The following FANK1 variants were observed in gnomAD, a reference collection of about 807,000 sequenced individuals.
FANK1 encodes fibronectin type 3 and ankyrin repeat domains protein 1.
In FANK1, 44 loss-of-function variants were observed where a neutral mutation model predicts 45.3. The ratio of observed to expected loss-of-function variants is 0.97; its 90% CI spans 0.76 to 1.25. FANK1 has a LOEUF of 1.25. Ranked by LOEUF, FANK1 falls within the 50% of genes most tolerant of loss-of-function variation. The pLI, the probability that FANK1 is intolerant of heterozygous loss-of-function variation, is 0.00. For synonymous variants in FANK1, 149 were observed against 152.5 expected, an observed-to-expected ratio of 0.98 and a Z score of 0.17; for missense variants, 391 against 424.4, an observed-to-expected ratio of 0.92 and a Z score of 0.69.
chr10:125,992,618 A>G (rs1952024531), intron 3 of FANK1, among the ~76,000 whole-genome samples: 1 of 152,056 alleles, frequency 6.6e-6, no homozygotes, highest in African/African-American at 2.4e-5. Flanking sequence ...CTTTGCTACA[A>G]ACGGTCCTTA....
chr10:125,990,585 AG>A (rs1951859163), intron 3 of FANK1, among the ~76,000 whole-genome samples: 1 of 152,156 alleles, frequency 6.6e-6, no homozygotes, highest in Non-Finnish European at 1.5e-5. Context: ...TTGGTTCTGC[AG>A]CCTTCCATTG....
chr10:125,958,080 A>G (rs1396974203), intron 1 of FANK1, among the ~76,000 whole-genome samples: 2 of 152,004 alleles, frequency 1.3e-5, no homozygotes, highest in Non-Finnish European at 2.9e-5. Flanking sequence ...CTTTCTAGCT[A>G]TTTGAAACTA....
rs1395923933 is a variant in FANK1, at chr10:125,917,050, CTG to C, written c.13+20397_13+20398del. 3.5e-4 allele frequency among the ~76,000 whole-genome samples: 53 copies of C among 152,372 alleles called. No homozygotes were observed. The South Asian group carries it at 0.01, about 29-fold the overall frequency. ...CTGCTTCTCTCCACTTTTCATCAAA[CTG>C]TTAAAAATTATGGGAGGCCATTCTT... On this transcript the variant is annotated intron_variant, in intron 1 of 10. Coordinates refer to ENST00000368693, the MANE Select transcript of FANK1 (RefSeq NM_145235.5).
intron 1 of FANK1, among the ~76,000 whole-genome samples, chr10:125,966,731 T>C (rs544028554): frequency 6.6e-6 from 1 of 152,352 alleles, no homozygotes; most frequent in South Asian, 2.1e-4. Context: ...TTATCAGACT[T>C]GTTGCTATCA....
In FANK1 at chr10:125,946,516, A is replaced by G. The variant is rs562648153; in HGVS notation, c.14-33645A>G. Among the ~76,000 whole-genome samples the G allele has an allele frequency of 1.4e-3, 210 of 152,272 alleles. 2 individuals carry two copies. Among genetic ancestry groups the G allele is most frequent in the African/African-American group, 4.8e-3 (200 of 41,534 alleles). On this transcript the variant is annotated intron_variant, in intron 1 of 10. Transcript: ENST00000368693. ...TGGAAGAAAGGGTATCAGCAATGGAAGATGAAATGAATGAAATGAAGTGAG... is the reference window on the plus strand; with the variant it reads ...TGGAAGAAAGGGTATCAGCAATGGAGGATGAAATGAATGAAATGAAGTGAG...
intron 1 of FANK1, among the ~76,000 whole-genome samples, chr10:125,971,745 C>T (rs906530531): frequency 2.0e-5 from 3 of 152,072 alleles, no homozygotes; most frequent in Admixed American, 2.0e-4. Flanking sequence ...CCTCAGCCTC[C>T]TGAGTAGCTG....
chr10:126,003,207 G>A (rs915292269), intron 6 of FANK1, among the ~76,000 whole-genome samples: 2 of 151,328 alleles, frequency 1.3e-5, no homozygotes, highest in Non-Finnish European at 1.5e-5. Context: ...TCCCGGTTGT[G>A]GGGCAGGCAT....
intron 1 of FANK1, among the ~76,000 whole-genome samples, chr10:125,978,402 C>G (rs1428744090): frequency 6.6e-6 from 1 of 152,106 alleles, no homozygotes; most frequent in Non-Finnish European, 1.5e-5. Context: ...TACTATGAGG[C>G]TCAAAGGCTG....
chr10:125,935,618 T>C (rs987008513), intron 1 of FANK1, among the ~76,000 whole-genome samples: 1 of 152,208 alleles, frequency 6.6e-6, no homozygotes, highest in African/African-American at 2.4e-5. Flanking sequence ...AAATCTGTCT[T>C]TTAGAATGCC....
rs187027983 is a variant in FANK1 at position 125,999,683 on chromosome 10, C to A, written c.539+2198C>A. Among the ~76,000 whole-genome samples, 26 of 152,236 alleles carry A rather than the reference C, an allele frequency of 1.7e-4. 1 individual carries two copies. The highest frequency in any genetic ancestry group is 6.0e-4 in the African/African-American group (25 of 41,546). On this transcript the variant is annotated intron_variant, in intron 6 of 10. Coordinates refer to ENST00000368693, the MANE Select transcript of FANK1 (RefSeq NM_145235.5). ...GCATCCCTCTGAGGATGTGGCGTGA[C>A]CTTGGGCAGGCTACCTAACCTCTCC...
At chr10:125,917,054 T>TA (rs1411691427) in intron 1 of FANK1, among the ~76,000 whole-genome samples, 9 of 152,244 alleles carry the variant, frequency 5.9e-5, no homozygotes, top group South Asian at 4.1e-4. Flanking sequence ...ATCAAACTGT[T>TA]AAAAATTATG....
chr10:125,985,529 A>G (rs767324889), intron 2 of FANK1, among the ~76,000 whole-genome samples: 1 of 152,146 alleles, frequency 6.6e-6, no homozygotes, highest in Non-Finnish European at 1.5e-5. Context: ...ATCAATTTTT[A>G]ACACTTATCT....
chr10:125,935,340 A>T (rs1315952177), intron 1 of FANK1, among the ~76,000 whole-genome samples: 1 of 152,176 alleles, frequency 6.6e-6, no homozygotes, highest in Non-Finnish European at 1.5e-5. Context: ...TTTACATGGC[A>T]CCTGGCATCC....
At chr10:125,919,133 C>T (rs1946733055) in intron 1 of FANK1, among the ~76,000 whole-genome samples, 1 of 148,618 alleles carries the variant, frequency 6.7e-6, no homozygotes, top group South Asian at 2.1e-4. Context: ...ATGCATTGGC[C>T]TGGGGAAGTG....
intron 1 of FANK1, among the ~76,000 whole-genome samples, chr10:125,919,611 A>G (rs541426291): frequency 6.6e-6 from 1 of 152,112 alleles, no homozygotes; most frequent in Non-Finnish European, 1.5e-5. Context: ...CCTGAGGCTC[A>G]TGGTGGTTGC....
intron 1 of FANK1, among the ~76,000 whole-genome samples, chr10:125,915,967 TTGTC>T (rs1356514191): frequency 1.3e-5 from 2 of 152,218 alleles, no homozygotes; most frequent in East Asian, 1.9e-4. Flanking sequence ...GATTAGCAGT[TTGTC>T]TGTTTCTTCA....
In FANK1 at chr10:125,934,480, A is replaced by T. The variant is rs568040163; in HGVS notation, c.13+37825A>T. On this transcript the variant is annotated intron_variant, in intron 1 of 10. Transcript: ENST00000368693. ...CAGTAGGTGGCAATGTTGGGCAGGC[A>T]GATGAAGGCTCCGGGATGTCTGGCT... Among the ~76,000 whole-genome samples, 63 of 152,188 alleles carry T rather than the reference A, an allele frequency of 4.1e-4. 1 individual carries two copies. The East Asian group carries it at 0.01, about 24-fold the overall frequency.
intron 1 of FANK1, among the ~76,000 whole-genome samples, chr10:125,938,596 G>A (rs1226936889): frequency 6.6e-6 from 1 of 152,154 alleles, no homozygotes; most frequent in Admixed American, 6.5e-5. Flanking sequence ...ATCACTTGAG[G>A]TCAGGAGTTC....
intron 6 of FANK1, among the ~76,000 whole-genome samples, chr10:126,002,471 A>G (rs893956334): frequency 5.3e-5 from 8 of 152,360 alleles, no homozygotes; most frequent in African/African-American, 1.7e-4. Context: ...GTGCTGCACC[A>G]TGCTGACTGT....
Sources: gnomAD v4.1 joint callset for allele counts (sites outside exome capture counted in the v4.1 genomes callset) on GRCh38, gnomAD v4.1.1 for gene constraint, MANE v1.5 for transcripts, NCBI Gene and HGNC (gene_info 2026-07-23, HGNC 2026-07-21) for gene names.